COL25A1: variants seen among roughly 807,000 people sequenced by gnomAD.
COL25A1 encodes the protein collagen type XXV alpha 1 chain, also known as collagen alpha-1(XXV) chain.
A neutral mutation model predicts 128.4 loss-of-function variants in COL25A1; 103 were observed. That is an observed-to-expected ratio of 0.80 (90% CI 0.68 to 0.94). COL25A1 has a LOEUF of 0.94. COL25A1 is among the 40% of genes least tolerant of loss of function. The pLI, the probability that COL25A1 is intolerant of heterozygous loss-of-function variation, is 0.00. For missense variants in COL25A1, 745 were observed against 840.0 expected (o/e 0.89, Z 1.40); for synonymous variants, 279 against 277.2 (o/e 1.01, Z -0.06).
chr4:108,964,825 A>C (rs577105678), intron 8 of COL25A1, among the ~76,000 whole-genome samples: 19 of 152,292 alleles, frequency 1.2e-4, no homozygotes, highest in Admixed American at 1.1e-3. Context: ...TGATAAGAAC[A>C]TGTGCAAATC....
At chr4:108,847,405 C>G (rs1051274392) in intron 27 of COL25A1, among the ~76,000 whole-genome samples, 1 of 151,930 alleles carries the variant, frequency 6.6e-6, no homozygotes, top group East Asian at 1.9e-4. Context: ...TGGAAAGGAA[C>G]TTTTCTTGTT....
intron 3 of COL25A1, among the ~76,000 whole-genome samples, chr4:109,184,661 A>G (rs1578382958): frequency 6.6e-6 from 1 of 152,140 alleles, no homozygotes; most frequent in African/African-American, 2.4e-5. Flanking sequence ...ACACTGAGGT[A>G]ATTTCCATCT....
At chr4:109,070,179 AC>A (rs1479570438) in intron 3 of COL25A1, among the ~76,000 whole-genome samples, 1 of 151,550 alleles carries the variant, frequency 6.6e-6, no homozygotes, top group African/African-American at 2.4e-5. Context: ...AATGGCATGA[AC>A]CCAAGAGTTG....
chr4:108,834,944 T>C (rs1733608114), intron 31 of COL25A1, among the ~76,000 whole-genome samples: 1 of 152,190 alleles, frequency 6.6e-6, no homozygotes, highest in African/African-American at 2.4e-5. Flanking sequence ...CAATAATTAC[T>C]CATTGTTTTC....
At chr4:108,845,998 C>A in intron 28 of COL25A1, 141 bp downstream of exon 28, 1 of 582,018 alleles carries the variant, frequency 1.7e-6, no homozygotes, top group South Asian at 2.6e-5. Flanking sequence ...CCAATAATAC[C>A]TCAAATATTT....
intron 3 of COL25A1, among the ~76,000 whole-genome samples, chr4:109,190,253 C>G (rs1775488928): frequency 6.6e-6 from 1 of 151,856 alleles, no homozygotes; most frequent in African/African-American, 2.4e-5. Context: ...AATAACTTTC[C>G]TAGACTGAAA....
At chr4:109,186,272 T>C (rs1350497337) in intron 3 of COL25A1, among the ~76,000 whole-genome samples, 1 of 152,216 alleles carries the variant, frequency 6.6e-6, no homozygotes, top group Non-Finnish European at 1.5e-5. Flanking sequence ...CACTCTAATA[T>C]CCTATCTGCA....
intron 3 of COL25A1, among the ~76,000 whole-genome samples, chr4:109,281,528 T>C (rs985709298): frequency 2.6e-5 from 4 of 152,154 alleles, no homozygotes; most frequent in Admixed American, 2.6e-4. Context: ...GTAGAAATTT[T>C]AACTTCTACT....
chr4:109,012,584 G>A (rs550168221), intron 5 of COL25A1, among the ~76,000 whole-genome samples: 9 of 152,298 alleles, frequency 5.9e-5, no homozygotes, highest in Non-Finnish European at 1.2e-4. Context: ...GCCAGCCGGC[G>A]GTGCCAGCCC....
intron 37 of COL25A1, 59 bp downstream of exon 37, chr4:108,817,338 A>G: frequency 6.8e-7 from 1 of 1,472,946 alleles, no homozygotes; most frequent in Non-Finnish European, 9.5e-7. Context: ...GGAAAAGGCT[A>G]GTCCAGGTTA....
Position 108,884,040 on chromosome 4 carries a change from T to C in COL25A1, c.1020+138A>G, listed in dbSNP as rs1740457303. 1.0e-5 allele frequency: 7 copies of C among 675,926 alleles called. No homozygotes were observed. In the South Asian group the frequency reaches 2.0e-4, roughly 20 times the overall value. 41.9% of individuals were successfully genotyped at this position (675,926 alleles called of 1,614,324 possible). On this transcript the variant is annotated intron_variant, in intron 19 of 37. Coordinates refer to ENST00000399132, the MANE Select transcript of COL25A1 (RefSeq NM_198721.4). Reference sequence around the variant, plus strand: ...GTGCTTAATTTTTAATTTAAAAATTTAGTTAGTTGAGATGGCTGGAGAGTA... The same window carrying C: ...GTGCTTAATTTTTAATTTAAAAATTCAGTTAGTTGAGATGGCTGGAGAGTA...
intron 3 of COL25A1, among the ~76,000 whole-genome samples, chr4:109,133,435 C>T (rs895099918): frequency 6.6e-6 from 1 of 151,840 alleles, no homozygotes; most frequent in African/African-American, 2.4e-5. Flanking sequence ...CTAATAAGTA[C>T]CTGCCCATTA....
chr4:109,276,993 C>A (rs953174804), intron 3 of COL25A1, among the ~76,000 whole-genome samples: 1 of 152,176 alleles, frequency 6.6e-6, no homozygotes, highest in African/African-American at 2.4e-5. Context: ...TGCTGTTATT[C>A]CTACAAGATA....
chr4:108,973,550 TTC>T (rs1414680275), intron 8 of COL25A1, among the ~76,000 whole-genome samples: 1 of 152,238 alleles, frequency 6.6e-6, no homozygotes, highest in Admixed American at 6.5e-5. Flanking sequence ...CCTACATAGT[TTC>T]TTTTTTCAAC....
chr4:108,984,564 A>G (rs1461013130), intron 6 of COL25A1, among the ~76,000 whole-genome samples: 2 of 152,198 alleles, frequency 1.3e-5, no homozygotes, highest in African/African-American at 4.8e-5. Flanking sequence ...AGGCCCAGCG[A>G]GAAATTGAGC....
chr4:108,853,698 G>A (rs1736111390), intron 24 of COL25A1, among the ~76,000 whole-genome samples: 2 of 151,492 alleles, frequency 1.3e-5, no homozygotes, highest in South Asian at 4.2e-4. Flanking sequence ...CCTGGTGTGT[G>A]ATGTTCCCCT....
intron 3 of COL25A1, among the ~76,000 whole-genome samples, chr4:109,125,624 A>G (rs1243587726): frequency 6.6e-6 from 1 of 152,182 alleles, no homozygotes; most frequent in African/African-American, 2.4e-5. Context: ...GCTGAGAAGA[A>G]CTAGCAGTTG....
At position 108,963,919 on chromosome 4, in the gene COL25A1, A is replaced by G. The variant is rs545790063; in HGVS notation, c.492+10448T>C. Among the ~76,000 whole-genome samples, 9 of 151,666 alleles carry G rather than the reference A, an allele frequency of 5.9e-5. No individual in the cohort carries two copies. In the South Asian group the frequency reaches 1.9e-3, roughly 31 times the overall value. On this transcript the variant is annotated intron_variant, in intron 8 of 37. Coordinates refer to ENST00000399132, the MANE Select transcript of COL25A1 (RefSeq NM_198721.4). ...AGATAAGGCATACATCCAGGGATAT[A>G]TGTCACATGAAAAAGTAAGAATAAT...
At chr4:108,854,225 G>T (rs1278749966) in intron 24 of COL25A1, among the ~76,000 whole-genome samples, 1 of 151,982 alleles carries the variant, frequency 6.6e-6, no homozygotes, top group African/African-American at 2.4e-5. Flanking sequence ...ACTCAAAACG[G>T]ATTAAAGATT....
Sources: allele counts gnomAD v4.1 joint callset (sites outside exome capture counted in the v4.1 genomes callset), GRCh38; gene constraint gnomAD v4.1.1; transcripts MANE v1.5; gene names NCBI Gene and HGNC (gene_info 2026-07-23, HGNC 2026-07-21).